The following ACCSL variants were observed in gnomAD, a reference collection of about 807,000 sequenced individuals.
ACCSL encodes the protein probable inactive 1-aminocyclopropane-1-carboxylate synthase-like protein 2.
A neutral mutation model predicts 61.7 loss-of-function variants in ACCSL; 55 were observed. The observed-to-expected ratio is 0.89, with a 90% CI of 0.72 to 1.12. ACCSL has a LOEUF of 1.12. ACCSL is among the 50% of genes most tolerant of loss of function. The pLI is 0.00. For missense variants in ACCSL, 632 were observed against 698.0 expected, an observed-to-expected ratio of 0.91 and a Z score of 1.07; for synonymous variants, 258 against 264.3, an observed-to-expected ratio of 0.98 and a Z score of 0.23.
chr11:43,993,287 C>A, the ACCSL span, among the ~76,000 whole-genome samples: 1 of 152,088 alleles, frequency 6.6e-6, no homozygotes, highest in African/African-American at 2.4e-5. Flanking sequence ...CTCCGTGCAT[C>A]CCATGGGGTC....
chr11:43,945,020 G>T, the ACCSL span: 3 of 152,518 alleles, frequency 2.0e-5, no homozygotes, highest in African/African-American at 4.8e-5. Flanking sequence ...GAGCTCTGGA[G>T]AAGACAGCAG....
the ACCSL span, chr11:43,943,217 A>T: frequency 6.5e-7 from 1 of 1,528,172 alleles, no homozygotes; most frequent in Non-Finnish European, 8.8e-7. The surrounding 1 kb of genome is among the most constrained non-coding windows in gnomAD (Gnocchi z 4.8). Context: ...GGAGCAGCTC[A>T]GCAGCTGCAA....
At chr11:44,042,057 G>C in the ACCSL span, among the ~76,000 whole-genome samples, 37,403 of 151,968 alleles carry the variant, frequency 0.25, 5,468 homozygotes, top group Admixed American at 0.34. Flanking sequence ...GTTATTTTAT[G>C]GTGCCATTGG....
chr11:43,978,873 TCAA>T, the ACCSL span, among the ~76,000 whole-genome samples: 1 of 138,910 alleles, frequency 7.2e-6, no homozygotes, highest in African/African-American at 2.6e-5. Context: ...TTCTCCAGCA[TCAA>T]CTGGTCGGGT....
intron 3 of ACCSL, 125 bp from the exon 4 acceptor site, chr11:44,051,210 G>C: frequency 4.3e-6 from 4 of 926,978 alleles, no homozygotes. Context: ...GTCTTAGTCA[G>C]TAGCCCTGTA....
the ACCSL span, among the ~76,000 whole-genome samples, chr11:43,981,711 C>A: frequency 6.6e-6 from 1 of 152,226 alleles, no homozygotes; most frequent in East Asian, 1.9e-4. Context: ...GCTCTAGGGA[C>A]CCTTTGCTCA....
At chr11:43,925,215 A>T in the ACCSL span, 1 of 364,808 alleles carries the variant, frequency 2.7e-6, no homozygotes, top group Admixed American at 3.3e-5. Flanking sequence ...TCCCGTGCAC[A>T]TACTGCCCTT....
Position 44,059,944 on chromosome 11 carries a change from T to G in ACCSL, c.*24T>G, listed in dbSNP as rs1287613621. ...AGGCCGTCTGCCTCCCAACCAGCAGTTCCAGCCCATCACTTGCTCAGGGAC... is the reference window on the plus strand; with the variant it reads ...AGGCCGTCTGCCTCCCAACCAGCAGGTCCAGCCCATCACTTGCTCAGGGAC... On this transcript the variant is annotated 3_prime_UTR_variant, in exon 14 of 14. Transcript: ENST00000378832. 1 of 1,609,158 alleles carries G rather than the reference T, an allele frequency of 6.2e-7. No individual in the cohort carries two copies. Among genetic ancestry groups the G allele is most frequent in the East Asian group, 2.2e-5 (1 of 44,770 alleles).
At chr11:44,035,110 C>T in the ACCSL span, among the ~76,000 whole-genome samples, 2 of 152,272 alleles carry the variant, frequency 1.3e-5, no homozygotes, top group African/African-American at 4.8e-5. Flanking sequence ...TCCTGTGGGT[C>T]TTTGCCCAAC....
At chr11:44,053,629 GAGA>G in intron 8 of ACCSL, 123 bp downstream of exon 8, 5 of 825,898 alleles carry the variant, frequency 6.1e-6, no homozygotes, top group Non-Finnish European at 7.7e-6. Flanking sequence ...TTGGGAGGCC[GAGA>G]AGGTGGATCA....
the ACCSL span, among the ~76,000 whole-genome samples, chr11:43,984,033 C>T: frequency 6.6e-6 from 1 of 152,098 alleles, no homozygotes; most frequent in African/African-American, 2.4e-5. Flanking sequence ...AGGAGAATCA[C>T]TTGAACCTGG....
chr11:43,997,175 G>T, the ACCSL span, among the ~76,000 whole-genome samples: 4 of 152,018 alleles, frequency 2.6e-5, no homozygotes, highest in South Asian at 8.3e-4. Context: ...AATGTCCAGG[G>T]GGTTCCCCAG....
chr11:44,017,329 T>C, the ACCSL span, among the ~76,000 whole-genome samples: 1 of 152,158 alleles, frequency 6.6e-6, no homozygotes, highest in Non-Finnish European at 1.5e-5. Context: ...CATACAGCTG[T>C]GTAGGTTGTG....
upstream of ACCSL, among the ~76,000 whole-genome samples, chr11:44,043,856 G>A (rs912254623): frequency 7.2e-5 from 11 of 151,954 alleles, no homozygotes; most frequent in Admixed American, 4.6e-4. Context: ...CTTCAAATCT[G>A]TTATTTTAAT....
the ACCSL span, among the ~76,000 whole-genome samples, chr11:44,014,435 ATCGCAGCTGGCT>A: frequency 6.6e-6 from 1 of 151,890 alleles, no homozygotes; most frequent in African/African-American, 2.4e-5. Flanking sequence ...TCATCATGAC[ATCGCAGCTGGCT>A]TCCCCGAGAG....
the ACCSL span, among the ~76,000 whole-genome samples, chr11:44,024,171 G>A: frequency 6.6e-6 from 1 of 152,166 alleles, no homozygotes; most frequent in Non-Finnish European, 1.5e-5. Flanking sequence ...AAAAAGCAGA[G>A]GAAGGAGGGA....
the ACCSL span, among the ~76,000 whole-genome samples, chr11:44,001,980 C>G: frequency 2.6e-5 from 4 of 151,924 alleles, no homozygotes; most frequent in Non-Finnish European, 5.9e-5. Context: ...TAGCACAGCT[C>G]ATTCCTAGTA....
chr11:43,963,198 T>G, the ACCSL span, among the ~76,000 whole-genome samples: 1 of 152,192 alleles, frequency 6.6e-6, no homozygotes, highest in Non-Finnish European at 1.5e-5. Flanking sequence ...GTTCTATTCA[T>G]AGTGAAATAA....
chr11:43,964,418 C>T, the ACCSL span, among the ~76,000 whole-genome samples: 4 of 143,184 alleles, frequency 2.8e-5, no homozygotes, highest in Non-Finnish European at 6.0e-5. Flanking sequence ...GCCTGGGTGA[C>T]GGAGTGAGAC....
Sources: gnomAD v4.1 joint callset for allele counts (sites outside exome capture counted in the v4.1 genomes callset) on GRCh38, gnomAD v4.1.1 for gene constraint, Gnocchi (gnomAD v3.1) non-coding constraint, MANE v1.5 for transcripts, NCBI Gene and HGNC (gene_info 2026-07-23, HGNC 2026-07-21) for gene names.